The following NEDD4L variants were observed in gnomAD, a reference collection of about 807,000 sequenced individuals.
NEDD4L encodes the protein E3 ubiquitin-protein ligase NEDD4-like.
NEDD4L carries 54 observed loss-of-function variants against 148.9 expected under a neutral mutation model. The ratio of observed to expected loss-of-function variants is 0.36; its 90% CI spans 0.29 to 0.45. NEDD4L has a LOEUF of 0.45. NEDD4L is among the 20% of genes least tolerant of loss of function. The pLI, the probability that NEDD4L is intolerant of heterozygous loss-of-function variation, is 1.00. For missense variants in NEDD4L, 856 were observed against 1,233.8 expected, an observed-to-expected ratio of 0.69 and a Z score of 4.59; for synonymous variants, 433 against 440.7, an observed-to-expected ratio of 0.98 and a Z score of 0.22.
At chr18:58,306,332 C>G (rs1373601132) in intron 5 of NEDD4L, among the ~76,000 whole-genome samples, 1 of 151,980 alleles carries the variant, frequency 6.6e-6, no homozygotes, top group Non-Finnish European at 1.5e-5. Flanking sequence ...CTATTCAATT[C>G]CATTTGTTTT....
chr18:58,176,282 C>G (rs979933851), intron 2 of NEDD4L, among the ~76,000 whole-genome samples: 1 of 152,050 alleles, frequency 6.6e-6, no homozygotes, highest in Non-Finnish European at 1.5e-5. Flanking sequence ...CGTCCTCTCT[C>G]TCTCCTCCTC....
chr18:58,196,800 A>G (rs943695044), intron 2 of NEDD4L, among the ~76,000 whole-genome samples: 5 of 148,392 alleles, frequency 3.4e-5, no homozygotes, highest in African/African-American at 1.2e-4. Flanking sequence ...GAATTAGGTT[A>G]ATGCTGGAAT....
rs536389935 is a variant in NEDD4L at position 58,117,266 on chromosome 18, A to G, written c.49-48522A>G. Among the ~76,000 whole-genome samples, 57 of 152,370 alleles carry G rather than the reference A, an allele frequency of 3.7e-4. No individual in the cohort carries two copies. In the South Asian group the frequency reaches 0.012, roughly 31 times the overall value. On this transcript the variant is annotated intron_variant, in intron 1 of 30. Transcript: ENST00000400345. ...CCAGGCCCAGTTGCCTTGGAGCAGG[A>G]AAAACAGTTCATCCTCATTACCATC...
chr18:58,379,097 A>G (rs975462945), intron 24 of NEDD4L, among the ~76,000 whole-genome samples: 1 of 152,224 alleles, frequency 6.6e-6, no homozygotes, highest in African/African-American at 2.4e-5. Flanking sequence ...TGGCCCAGAA[A>G]GCCCTGGGAG....
At chr18:58,269,169 G>T (rs56883467) in intron 5 of NEDD4L, among the ~76,000 whole-genome samples, 1 of 152,014 alleles carries the variant, frequency 6.6e-6, no homozygotes, top group African/African-American at 2.4e-5. Flanking sequence ...TGCCCAAAGT[G>T]GGGGAAGAGA....
rs760746821 is a variant in NEDD4L, at chr18:58,385,595, T to C, written c.2487+9T>C. ...TGAACGCCTTCTTGGAGGTAAGCCA[T>C]GCTGGCCAGGGTTCTCTGCCATGTG... is the stretch of plus-strand genomic sequence containing the variant. On this transcript the variant is annotated intron_variant, in intron 26 of 30. Coordinates refer to ENST00000400345, the MANE Select transcript of NEDD4L (RefSeq NM_001144967.3). The C allele has an allele frequency of 2.5e-6, 4 of 1,612,354 alleles. No homozygotes were observed. The Admixed American group carries it at 5.0e-5, about 20-fold the overall frequency.
chr18:58,046,772 T>C (rs564796856), intron 1 of NEDD4L: 2 of 152,290 alleles, frequency 1.3e-5, no homozygotes, highest in African/African-American at 4.8e-5. Context: ...GTATAGGAAA[T>C]AGCAAGAGGT....
chr18:58,295,389 C>G (rs1050059171), intron 5 of NEDD4L, among the ~76,000 whole-genome samples: 1 of 152,112 alleles, frequency 6.6e-6, no homozygotes, highest in Non-Finnish European at 1.5e-5. Context: ...TTCATAGTGG[C>G]TTCTTTTACT....
At chr18:58,392,486 T>C (rs1458359378) in intron 30 of NEDD4L, among the ~76,000 whole-genome samples, 2 of 152,296 alleles carry the variant, frequency 1.3e-5, no homozygotes, top group African/African-American at 2.4e-5. Flanking sequence ...AAAAATTGGC[T>C]GTGAAAGGTT....
intron 1 of NEDD4L, among the ~76,000 whole-genome samples, chr18:58,151,712 G>T (rs1168359207): frequency 6.7e-6 from 1 of 149,976 alleles, no homozygotes; most frequent in Non-Finnish European, 1.5e-5. Flanking sequence ...AGTGTTAATA[G>T]TAACTTAATT....
At chr18:58,395,297 G>A (rs1184799387) in intron 30 of NEDD4L, among the ~76,000 whole-genome samples, 2 of 152,144 alleles carry the variant, frequency 1.3e-5, no homozygotes, top group Non-Finnish European at 2.9e-5. Context: ...TGAGCCCCAT[G>A]TAGACATACA....
intron 5 of NEDD4L, among the ~76,000 whole-genome samples, chr18:58,276,838 C>G (rs1261953926): frequency 6.6e-6 from 1 of 152,136 alleles, no homozygotes; most frequent in Non-Finnish European, 1.5e-5. Flanking sequence ...TCCATCTGCA[C>G]TTGGCATATT....
chr18:58,178,539 T>C (rs2038439357), intron 2 of NEDD4L, among the ~76,000 whole-genome samples: 1 of 152,232 alleles, frequency 6.6e-6, no homozygotes, highest in Non-Finnish European at 1.5e-5. Context: ...ATTAAAATAT[T>C]GCCCACTTTC....
Position 58,330,862 on chromosome 18 carries a change from G to A in NEDD4L, c.938G>A (p.Arg313Lys). Residue 313 changes from arginine (R) to lysine (K), a missense_variant, in exon 11 of 31, where the codon AGA (arginine) becomes AAA (lysine). Arg to Lys is a conservative substitution (Grantham distance 26). Around this residue, in one of 4 missense-constraint regions of NEDD4L, gnomAD observed 367 missense variants for 422.7 expected, o/e 0.87. Coordinates refer to ENST00000400345, the MANE Select transcript of NEDD4L (RefSeq NM_001144967.3). Reference protein sequence around the residue: ...SPQELSEELSRRLQITPDSNG... With the variant: ...SPQELSEELSKRLQITPDSNG... ...CAGGAGCTGTCAGAGGAACTAAGCAGAAGGCTTCAGATCACTCCAGACTCC... is the reference window on the plus strand; with the variant it reads ...CAGGAGCTGTCAGAGGAACTAAGCAAAAGGCTTCAGATCACTCCAGACTCC... The A allele has an allele frequency of 6.2e-7, 1 of 1,614,006 alleles. No individual in the cohort carries two copies. The highest frequency in any genetic ancestry group is 8.5e-7 in the Non-Finnish European group (1 of 1,179,876).
chr18:58,387,419 GTT>G lies in NEDD4L; in HGVS notation c.2488-9_2488-8del, dbSNP rs751368482. The stretch of plus-strand genomic sequence containing the variant: ...TTTGAAGGCAATAGGTGTTTAAGAT[GTT>G]TTTTTTTTTTCTTTCAGGGATTCAC... On this transcript the variant is annotated intron_variant, in intron 26 of 30. Coordinates refer to ENST00000400345, the MANE Select transcript of NEDD4L (RefSeq NM_001144967.3). The G allele has an allele frequency of 8.5e-5, 95 of 1,123,496 alleles. No homozygotes were observed. Among genetic ancestry groups the G allele is most frequent in the Admixed American group, 2.8e-4 (9 of 32,232 alleles). 69.6% of individuals were successfully genotyped at this position (1,123,496 alleles called of 1,614,324 possible).
At chr18:58,182,628 C>T (rs1322847296) in intron 2 of NEDD4L, among the ~76,000 whole-genome samples, 1 of 151,180 alleles carries the variant, frequency 6.6e-6, no homozygotes, top group Non-Finnish European at 1.5e-5. Flanking sequence ...ACTACAGGCA[C>T]CTGCCACCAC....
chr18:58,111,531 A>G (rs941470308), intron 1 of NEDD4L, among the ~76,000 whole-genome samples: 1 of 152,130 alleles, frequency 6.6e-6, no homozygotes, highest in African/African-American at 2.4e-5. Flanking sequence ...GAGTCATGCC[A>G]TGTATGGTTG....
chr18:58,361,092 C>T (rs1014161034), intron 19 of NEDD4L, among the ~76,000 whole-genome samples: 1 of 152,130 alleles, frequency 6.6e-6, no homozygotes, highest in African/African-American at 2.4e-5. Flanking sequence ...ACTGTTCTTT[C>T]TCCATCATGT....
At chr18:58,172,820 A>T (rs150305693) in intron 2 of NEDD4L, among the ~76,000 whole-genome samples, 131 of 152,306 alleles carry the variant, frequency 8.6e-4, no homozygotes, top group African/African-American at 3.0e-3. Flanking sequence ...GGGACCTATT[A>T]AGTTCAGATT....
Sources: gnomAD v4.1 joint callset for allele counts (sites outside exome capture counted in the v4.1 genomes callset) on GRCh38, gnomAD v4.1.1 for gene constraint, gnomAD v4.1.1 regional missense constraint, MANE v1.5 for transcripts, NCBI Gene and HGNC (gene_info 2026-07-23, HGNC 2026-07-21) for gene names.